FGF14: variants seen among roughly 807,000 people sequenced by gnomAD.
The protein encoded by FGF14 is fibroblast growth factor homologous factor 4.
Under a neutral mutation model 25.5 loss-of-function variants are expected in FGF14, and 5 were observed. That is an observed-to-expected ratio of 0.20 (90% CI 0.10 to 0.41). The LOEUF (loss-of-function observed/expected upper bound fraction) is 0.41, where lower values mean the gene tolerates loss of function less well. Ranked by LOEUF, FGF14 falls within the 10% of genes least tolerant of loss-of-function variation. The pLI is 1.00. For synonymous variants in FGF14, 138 were observed against 118.3 expected (o/e 1.17, Z -1.08); for missense variants, 222 against 320.1 (o/e 0.69, Z 2.34).
intron 1 of FGF14, among the ~76,000 whole-genome samples, chr13:102,227,712 G>A (rs769525250): frequency 9.2e-5 from 14 of 152,002 alleles, no homozygotes; most frequent in East Asian, 1.9e-4. Flanking sequence ...TTCTTGCCAC[G>A]TAGAATAATA....
rs183180369 is a variant in FGF14, at chr13:102,125,619, C to T, written c.209-250323G>A. Among the ~76,000 whole-genome samples, 7 of 152,272 alleles carry T rather than the reference C, an allele frequency of 4.6e-5. No homozygotes were observed. The East Asian group carries it at 1.3e-3, about 29-fold the overall frequency. ...GATGAAATATTCTCTCTCAGGAAGACACCTGGATAGCAGGGCAGAAAAGCC... is the reference window on the plus strand; with the variant it reads ...GATGAAATATTCTCTCTCAGGAAGATACCTGGATAGCAGGGCAGAAAAGCC... On this transcript the variant is annotated intron_variant, in intron 1 of 4. Coordinates refer to the FGF14 transcript ENST00000376131.
At chr13:101,847,638 T>C (rs969229174) in intron 3 of FGF14, among the ~76,000 whole-genome samples, 1 of 152,112 alleles carries the variant, frequency 6.6e-6, no homozygotes, top group Non-Finnish European at 1.5e-5. Context: ...TACCATACTC[T>C]GTGAAATGAA....
chr13:101,893,049 A>G (rs1189332193), intron 1 of FGF14, among the ~76,000 whole-genome samples: 5 of 152,140 alleles, frequency 3.3e-5, no homozygotes, highest in Non-Finnish European at 7.3e-5. Context: ...AAGATGCCAT[A>G]CCCATGACCC....
intron 1 of FGF14, among the ~76,000 whole-genome samples, chr13:102,232,216 T>C (rs1192025752): frequency 6.6e-6 from 1 of 152,174 alleles, no homozygotes; most frequent in Non-Finnish European, 1.5e-5. Flanking sequence ...GTTTAACATG[T>C]TTTTATTTTA....
At chr13:102,387,699 C>T (rs1216769215) in intron 1 of FGF14, among the ~76,000 whole-genome samples, 2 of 151,442 alleles carry the variant, frequency 1.3e-5, no homozygotes, top group Non-Finnish European at 2.9e-5. Flanking sequence ...GCATAGTACC[C>T]ACTAGGCAGT....
intron 1 of FGF14, among the ~76,000 whole-genome samples, chr13:102,198,518 T>A (rs1018721687): frequency 4.6e-5 from 7 of 152,174 alleles, no homozygotes; most frequent in African/African-American, 1.7e-4. Flanking sequence ...TAGGAAGGCG[T>A]AGGAGACTGA....
chr13:102,201,854 AT>A (rs1310869404), intron 1 of FGF14, among the ~76,000 whole-genome samples: 1 of 151,932 alleles, frequency 6.6e-6, no homozygotes, highest in African/African-American at 2.4e-5. Context: ...CAGAAAGACA[AT>A]GTACCTCCCT....
Position 102,113,949 on chromosome 13 carries a change from C to T in FGF14, c.209-238653G>A, listed in dbSNP as rs76310655. Among the ~76,000 whole-genome samples, 1,152 of 152,310 alleles carry T rather than the reference C, an allele frequency of 7.6e-3. 20 individuals are homozygous for T. The highest frequency in any genetic ancestry group is 0.026 in the African/African-American group (1,090 of 41,566). ...GGCCACCATGTTGGGGCTCACCTCACTGTGGAGACGGCTGATTTTACCTCA... is the reference window on the plus strand; with the variant it reads ...GGCCACCATGTTGGGGCTCACCTCATTGTGGAGACGGCTGATTTTACCTCA... On this transcript the variant is annotated intron_variant, in intron 1 of 4. Coordinates refer to the FGF14 transcript ENST00000376131.
intron 1 of FGF14, among the ~76,000 whole-genome samples, chr13:102,309,585 T>C (rs1401557052): frequency 2.0e-5 from 3 of 152,136 alleles, no homozygotes; most frequent in Non-Finnish European, 4.4e-5. Context: ...ACAATTTGGG[T>C]AAAAAGAACT....
intron 1 of FGF14, among the ~76,000 whole-genome samples, chr13:102,205,360 A>G (rs369562520): frequency 7.9e-5 from 12 of 152,202 alleles, no homozygotes; most frequent in Non-Finnish European, 4.4e-5. Context: ...CACACACTCA[A>G]AAAAAACCCA....
At position 101,722,404 on chromosome 13, in the gene FGF14, CG is replaced by C. The variant is rs1234991046; in HGVS notation, c.*426del. The C allele has an allele frequency of 3.5e-6, 1 of 283,410 alleles. No individual in the cohort carries two copies. The highest frequency in any genetic ancestry group is 9.0e-5 in the East Asian group (1 of 11,144). 17.6% of individuals were successfully genotyped at this position (283,410 alleles called of 1,614,324 possible). A position where few individuals can be genotyped will look rare whatever the true frequency, so the allele number is the denominator to read the frequency against. On this transcript the variant is annotated 3_prime_UTR_variant, in exon 5 of 5. Coordinates refer to ENST00000376143, the MANE Select transcript of FGF14 (RefSeq NM_004115.4). ...AATCCGTAATAGCACAGGTTTACAG[CG>C]TCTAACTAGAAATTACTCAATATTA... is the stretch of plus-strand genomic sequence containing the variant.
intron 1 of FGF14, among the ~76,000 whole-genome samples, chr13:101,962,865 C>G (rs1048954099): frequency 6.6e-6 from 1 of 152,198 alleles, no homozygotes; most frequent in South Asian, 2.1e-4. Flanking sequence ...TAACTTTGTC[C>G]TTTGCCGTGA....
At chr13:102,032,384 G>C (rs762063963) in intron 1 of FGF14, among the ~76,000 whole-genome samples, 4 of 152,132 alleles carry the variant, frequency 2.6e-5, no homozygotes, top group Non-Finnish European at 4.4e-5. Flanking sequence ...GAGGCAAAGA[G>C]AGCTGGAGGA....
intron 1 of FGF14, among the ~76,000 whole-genome samples, chr13:102,192,697 C>A (rs1256440349): frequency 6.6e-6 from 1 of 152,084 alleles, no homozygotes. Context: ...TCAAAAATAT[C>A]AATTTCACAA....
At chr13:101,977,529 C>T (rs569273641) in intron 1 of FGF14, among the ~76,000 whole-genome samples, 12 of 152,188 alleles carry the variant, frequency 7.9e-5, no homozygotes, top group South Asian at 2.1e-4. Context: ...GTCAGAGAAA[C>T]GGCCCAGCAT....
At chr13:102,021,442 C>T (rs1312237509) in intron 1 of FGF14, among the ~76,000 whole-genome samples, 1 of 151,558 alleles carries the variant, frequency 6.6e-6, no homozygotes, top group Non-Finnish European at 1.5e-5. Flanking sequence ...AGAAAGAGCC[C>T]TTTGGGAGAA....
At chr13:102,305,323 C>T (rs2138614055) in intron 1 of FGF14, among the ~76,000 whole-genome samples, 1 of 152,102 alleles carries the variant, frequency 6.6e-6, no homozygotes, top group Admixed American at 6.5e-5. Context: ...TGACTTTAAA[C>T]TTTAAACTCT....
intron 1 of FGF14, among the ~76,000 whole-genome samples, chr13:102,219,457 T>C (rs2050515515): frequency 6.6e-6 from 1 of 152,216 alleles, no homozygotes; most frequent in Non-Finnish European, 1.5e-5. Flanking sequence ...TTCCATTTCA[T>C]ATCTTGCTAA....
At chr13:101,961,787 T>G (rs2036874605) in intron 1 of FGF14, among the ~76,000 whole-genome samples, 1 of 152,208 alleles carries the variant, frequency 6.6e-6, no homozygotes, top group Non-Finnish European at 1.5e-5. Flanking sequence ...CTTCCCCTTC[T>G]GGAATCATTA....
Sources: allele counts gnomAD v4.1 joint callset (sites outside exome capture counted in the v4.1 genomes callset), GRCh38; gene constraint gnomAD v4.1.1; transcripts MANE v1.5; gene names NCBI Gene and HGNC (gene_info 2026-07-23, HGNC 2026-07-21).